Variants in CNTNAP2 observed in about 807,000 individuals in gnomAD.
CNTNAP2 encodes the protein contactin-associated protein-like 2.
Under a neutral mutation model 155.2 loss-of-function variants are expected in CNTNAP2, and 98 were observed. The ratio of observed to expected loss-of-function variants is 0.63; its 90% CI spans 0.54 to 0.75. The LOEUF is 0.75. CNTNAP2 is among the 30% of genes least tolerant of loss of function. The pLI, the probability that CNTNAP2 is intolerant of heterozygous loss-of-function variation, is 0.00. For synonymous variants in CNTNAP2, 651 were observed against 631.2 expected (o/e 1.03, Z -0.47); for missense variants, 1,727 against 1,688.1 (o/e 1.02, Z -0.40).
At chr7:146,561,834 G>A (rs958765651) in intron 1 of CNTNAP2, among the ~76,000 whole-genome samples, 1 of 152,096 alleles carries the variant, frequency 6.6e-6, no homozygotes, top group Non-Finnish European at 1.5e-5. Flanking sequence ...ATGTTGCCCA[G>A]GTCATAATAC....
At chr7:147,550,630 G>C (rs187512939) in intron 11 of CNTNAP2, among the ~76,000 whole-genome samples, 4 of 152,144 alleles carry the variant, frequency 2.6e-5, no homozygotes, top group African/African-American at 9.7e-5. Context: ...AAGGGAAGGG[G>C]CTGATGTGGG....
intron 9 of CNTNAP2, among the ~76,000 whole-genome samples, chr7:147,393,451 C>G (rs1796756909): frequency 6.8e-6 from 1 of 147,648 alleles, no homozygotes; most frequent in Admixed American, 6.9e-5. Context: ...TCTTTCAAAG[C>G]TAGTGTGGAT....
chr7:148,181,999 C>T (rs558781367), intron 18 of CNTNAP2, among the ~76,000 whole-genome samples: 2 of 151,396 alleles, frequency 1.3e-5, no homozygotes, highest in East Asian at 2.0e-4. Flanking sequence ...CCTCGTGATC[C>T]GCCCGCCTCA....
chr7:148,225,832 A>G (rs1795836980), intron 19 of CNTNAP2, among the ~76,000 whole-genome samples: 1 of 152,226 alleles, frequency 6.6e-6, no homozygotes. Flanking sequence ...ATATAGGAGA[A>G]AGAGGACAGT....
At chr7:147,458,695 T>G (rs1042100387) in intron 10 of CNTNAP2, among the ~76,000 whole-genome samples, 1 of 152,192 alleles carries the variant, frequency 6.6e-6, no homozygotes, top group African/African-American at 2.4e-5. Flanking sequence ...GCTTATAATA[T>G]TTTGTAAAAT....
At chr7:147,696,856 TGAG>T (rs1385592178) in intron 13 of CNTNAP2, among the ~76,000 whole-genome samples, 2 of 152,134 alleles carry the variant, frequency 1.3e-5, no homozygotes, top group African/African-American at 2.4e-5. Flanking sequence ...GCATGGTCTC[TGAG>T]GAGATGTCAG....
intron 9 of CNTNAP2, among the ~76,000 whole-genome samples, chr7:147,324,664 TA>T (rs1314956279): frequency 6.6e-6 from 1 of 152,212 alleles, no homozygotes; most frequent in African/African-American, 2.4e-5. Context: ...TATGGTCCCT[TA>T]AAAAATCACA....
chr7:146,587,414 A>C lies in CNTNAP2; in HGVS notation c.98-186857A>C, dbSNP rs182958680. 5.9e-5 allele frequency among the ~76,000 whole-genome samples: 9 copies of C among 152,258 alleles called. No homozygotes were observed. The East Asian group carries it at 1.7e-3, about 29-fold the overall frequency. On this transcript the variant is annotated intron_variant, in intron 1 of 23. Coordinates refer to ENST00000361727, the MANE Select transcript of CNTNAP2 (RefSeq NM_014141.6). ...GAACTGAGGAGTGGGGTCCCCTAAGAAGGACATAAGTCTAATTTTTAAAGA... is the reference window on the plus strand; with the variant it reads ...GAACTGAGGAGTGGGGTCCCCTAAGCAGGACATAAGTCTAATTTTTAAAGA...
chr7:148,086,590 G>C (rs1803733655), intron 15 of CNTNAP2, among the ~76,000 whole-genome samples: 1 of 152,174 alleles, frequency 6.6e-6, no homozygotes, highest in East Asian at 1.9e-4. Context: ...TGCTAATATA[G>C]TGAATGTGAC....
intron 1 of CNTNAP2, among the ~76,000 whole-genome samples, chr7:146,384,335 C>G (rs1206327671): frequency 6.6e-6 from 1 of 152,112 alleles, no homozygotes; most frequent in African/African-American, 2.4e-5. Context: ...GAGCACAAGA[C>G]TCCTAGCTTG....
In CNTNAP2 at chr7:146,448,521, T is replaced by A. The variant is rs922478562; in HGVS notation, c.98-325750T>A. On this transcript the variant is annotated intron_variant, in intron 1 of 23. Transcript: ENST00000361727. The stretch of plus-strand genomic sequence containing the variant: ...AAGCACTTTGTTTTTGTTTTTTTTT[T>A]ATTATACTTTAAGTTTTAGGGTACA... 3.7e-4 allele frequency among the ~76,000 whole-genome samples: 57 copies of A among 152,090 alleles called. 3 individuals are homozygous for A. The East Asian group carries it at 0.01, about 27-fold the overall frequency.
At chr7:147,332,022 T>C (rs1795579772) in intron 9 of CNTNAP2, among the ~76,000 whole-genome samples, 1 of 152,194 alleles carries the variant, frequency 6.6e-6, no homozygotes, top group Non-Finnish European at 1.5e-5. Flanking sequence ...AGGTATACCA[T>C]GACATGGCTT....
chr7:147,417,409 T>C (rs1797213322), intron 10 of CNTNAP2, among the ~76,000 whole-genome samples: 1 of 152,072 alleles, frequency 6.6e-6, no homozygotes, highest in Admixed American at 6.6e-5. Context: ...GCAAAGGAGC[T>C]CTCTGGAATT....
In CNTNAP2 at chr7:147,499,084, A is replaced by G. The variant is rs545667315; in HGVS notation, c.1777+13043A>G. Among the ~76,000 whole-genome samples, 4 of 152,358 alleles carry G rather than the reference A, an allele frequency of 2.6e-5. No homozygotes were observed. In the East Asian group the frequency reaches 7.7e-4, roughly 29 times the overall value. Reference sequence around the variant, plus strand: ...AATGAGGAAGCCCAGTGGAAAAATCATATTTGAATCTTGAGAAATCTTTTG... The same window carrying G: ...AATGAGGAAGCCCAGTGGAAAAATCGTATTTGAATCTTGAGAAATCTTTTG... On this transcript the variant is annotated intron_variant, in intron 11 of 23. Transcript: ENST00000361727.
intron 1 of CNTNAP2, among the ~76,000 whole-genome samples, chr7:146,329,876 G>T (rs1205198948): frequency 6.6e-6 from 1 of 151,884 alleles, no homozygotes; most frequent in Admixed American, 6.6e-5. Flanking sequence ...ACTACCTACT[G>T]CATCAAAGTG....
chr7:147,253,896 A>G (rs148025012), intron 8 of CNTNAP2, among the ~76,000 whole-genome samples: 107 of 152,310 alleles, frequency 7.0e-4, no homozygotes, highest in African/African-American at 2.5e-3. Flanking sequence ...TTAATCTTCT[A>G]TGGCATCAGT....
chr7:147,350,984 A>T (rs1795958030), intron 9 of CNTNAP2, among the ~76,000 whole-genome samples: 1 of 151,818 alleles, frequency 6.6e-6, no homozygotes, highest in Admixed American at 6.6e-5. Flanking sequence ...ATATAAATTA[A>T]TTTTTTCTTA....
chr7:147,453,775 A>T (rs1400251447), intron 10 of CNTNAP2, among the ~76,000 whole-genome samples: 1 of 152,166 alleles, frequency 6.6e-6, no homozygotes, highest in African/African-American at 2.4e-5. Flanking sequence ...CTTGTACTCC[A>T]AACTTAAAAG....
intron 1 of CNTNAP2, among the ~76,000 whole-genome samples, chr7:146,266,414 A>C (rs928626531): frequency 1.3e-5 from 2 of 152,152 alleles, no homozygotes; most frequent in African/African-American, 2.4e-5. Flanking sequence ...TAAATCCCCC[A>C]GAGTTAGCTT....
Sources: allele counts gnomAD v4.1 joint callset (sites outside exome capture counted in the v4.1 genomes callset), GRCh38; gene constraint gnomAD v4.1.1; transcripts MANE v1.5; gene names NCBI Gene and HGNC (gene_info 2026-07-23, HGNC 2026-07-21).